The following GLDC variants were observed in gnomAD, a reference collection of about 807,000 sequenced individuals.
GLDC encodes the protein glycine dehydrogenase (decarboxylating), mitochondrial.
A neutral mutation model predicts 121.3 loss-of-function variants in GLDC; 104 were observed. That is an observed-to-expected ratio of 0.86 (90% confidence interval 0.73 to 1.01). The LOEUF is 1.01. Among genes scored for constraint, GLDC ranks in the 50% least tolerant of loss-of-function variants. The pLI is 0.00. For missense variants in GLDC, 1,429 were observed against 1,306.6 expected, an observed-to-expected ratio of 1.09 and a Z score of -1.44; for synonymous variants, 546 against 480.6, an observed-to-expected ratio of 1.14 and a Z score of -1.78.
chr9:6,559,946 A>G (rs1587927902), intron 16 of GLDC, among the ~76,000 whole-genome samples: 1 of 152,196 alleles, frequency 6.6e-6, no homozygotes, highest in Admixed American at 6.5e-5. Context: ...GGACAAGGGG[A>G]TGTAGCTTCA....
At chr9:6,612,935 C>G (rs1444682002) in intron 3 of GLDC, among the ~76,000 whole-genome samples, 1 of 152,112 alleles carries the variant, frequency 6.6e-6, no homozygotes, top group Non-Finnish European at 1.5e-5. Flanking sequence ...CCTCTGCACT[C>G]CCGCCTGGGT....
At chr9:6,558,031 C>G (rs950907762) in intron 17 of GLDC, 1 of 215,932 alleles carries the variant, frequency 4.6e-6, no homozygotes, top group Admixed American at 5.2e-5. Flanking sequence ...GTTTCCTTCC[C>G]GCTTAAGATG....
At chr9:6,548,777 T>C (rs1242813397) in intron 21 of GLDC, among the ~76,000 whole-genome samples, 1 of 152,220 alleles carries the variant, frequency 6.6e-6, no homozygotes, top group Non-Finnish European at 1.5e-5. Flanking sequence ...CAAGGACTTG[T>C]ACCTGGTTCT....
rs117520541 is a variant in GLDC at position 6,643,458 on chromosome 9, C to G, written c.334+1156G>C. On this transcript the variant is annotated intron_variant, in intron 2 of 24. Transcript: ENST00000321612. ...CTATCATAGCAACAAAATAAAACAGCTGCTCTCTCTTCATTTGACTCTAGA... is the reference window on the plus strand; with the variant it reads ...CTATCATAGCAACAAAATAAAACAGGTGCTCTCTCTTCATTTGACTCTAGA... Among the ~76,000 whole-genome samples, 705 of 150,504 alleles carry G rather than the reference C, an allele frequency of 4.7e-3. 4 individuals carry two copies. The highest frequency in any genetic ancestry group is 8.3e-3 in the Non-Finnish European group (560 of 67,790).
intron 2 of GLDC, 24 bp downstream of exon 2, chr9:6,644,590 A>C (rs1176688762): frequency 4.6e-6 from 7 of 1,532,788 alleles, no homozygotes; most frequent in Non-Finnish European, 6.3e-6. Context: ...ATCTAAGTCC[A>C]AGGGAGCCCT....
chr9:6,603,735 T>G (rs980490016), intron 7 of GLDC, among the ~76,000 whole-genome samples: 1 of 138,382 alleles, frequency 7.2e-6, no homozygotes, highest in Non-Finnish European at 1.5e-5. Context: ...TCCTTTTTTT[T>G]CTTTTTTTTT....
At chr9:6,544,067 C>G (rs1260753086) in intron 21 of GLDC, among the ~76,000 whole-genome samples, 1 of 152,190 alleles carries the variant, frequency 6.6e-6, no homozygotes, top group African/African-American at 2.4e-5. Context: ...ACTTATCCCC[C>G]ATCCTCAAGG....
chr9:6,622,524 A>G (rs915276841), intron 2 of GLDC, among the ~76,000 whole-genome samples: 60 of 152,130 alleles, frequency 3.9e-4, no homozygotes, highest in African/African-American at 6.5e-4. Flanking sequence ...GATTGCAGAC[A>G]GAGTCTCGTT....
At position 6,559,873 on chromosome 9, in the gene GLDC, T is replaced by A. The variant is rs1587927858; in HGVS notation, c.1927-1189A>T. 2.0e-5 allele frequency among the ~76,000 whole-genome samples: 3 copies of A among 151,874 alleles called. No homozygotes were observed. In the East Asian group the frequency reaches 5.8e-4, roughly 29 times the overall value. ...AACCCCTACCCCGGGTTCACACAAC[T>A]CACTCACTAACAATGGTGGCCTGTG... On this transcript the variant is annotated intron_variant, in intron 16 of 24. Coordinates refer to ENST00000321612, the MANE Select transcript of GLDC (RefSeq NM_000170.3).
chr9:6,645,203 G>C lies in GLDC; in HGVS notation c.255+42C>G, dbSNP rs770565491. On this transcript the variant is annotated intron_variant, in intron 1 of 24. Transcript: ENST00000321612. The stretch of plus-strand genomic sequence containing the variant: ...AGGCCGCGCAGGCAGAGCCCGGGCA[G>C]GGCGGAGGGGAGGCCGCGGAGGGCC... 7 of 1,538,584 alleles carry C rather than the reference G, an allele frequency of 4.5e-6. No homozygotes were observed. The East Asian group carries it at 1.7e-4, about 38-fold the overall frequency.
chr9:6,591,137 C>G (rs566509220), intron 11 of GLDC, among the ~76,000 whole-genome samples: 85 of 152,254 alleles, frequency 5.6e-4, no homozygotes, highest in African/African-American at 1.9e-3. Flanking sequence ...TCTTGCTTTC[C>G]CCCACTACTT....
At chr9:6,564,863 C>T (rs916238466) in intron 16 of GLDC, among the ~76,000 whole-genome samples, 5 of 152,198 alleles carry the variant, frequency 3.3e-5, no homozygotes, top group African/African-American at 1.2e-4. Flanking sequence ...TGCTTTATGC[C>T]TTTTTTGGTG....
chr9:6,604,612 G>C lies in GLDC; in HGVS notation c.1034C>G (p.Pro345Arg). The C allele has an allele frequency of 6.2e-7, 1 of 1,612,772 alleles. No individual in the cohort carries two copies. The highest frequency in any genetic ancestry group is 8.5e-7 in the Non-Finnish European group (1 of 1,179,886). ...AVRESLVRMM[P>R]GRMVGVTRDA... ...CCTTGTTACCCCCACCATTCTTCCA[G>C]GCATCATTCTCACCAAGCTTTCTCG... Residue 345 changes from proline (P) to arginine (R), a missense_variant, in exon 7 of 25, where the codon CCT (proline) becomes CGT (arginine). Coordinates refer to ENST00000321612, the MANE Select transcript of GLDC (RefSeq NM_000170.3).
At chr9:6,609,292 A>G (rs963761899) in intron 4 of GLDC, among the ~76,000 whole-genome samples, 24 of 152,222 alleles carry the variant, frequency 1.6e-4, no homozygotes, top group African/African-American at 5.5e-4. Flanking sequence ...AAGGATGCAC[A>G]TGAAGTACTA....
Position 6,605,195 on chromosome 9 carries a change from T to C in GLDC, c.797A>G (p.Tyr266Cys). 1.2e-6 allele frequency: 2 copies of C among 1,613,680 alleles called. No homozygotes were observed. Among genetic ancestry groups the C allele is most frequent in the Non-Finnish European group, 1.7e-6 (2 of 1,179,736 alleles). ...GKDVSGVLFQYPDTEGKVEDF... is the reference protein window; with the variant it reads ...GKDVSGVLFQCPDTEGKVEDF... The stretch of plus-strand genomic sequence containing the variant: ...TTCCACCTTCCCCTCCGTGTCTGGG[T>C]ACTGGAACAACACTCCACTGACATC... Residue 266 changes from tyrosine to cysteine, a missense_variant, in exon 6 of 25, where the codon TAC becomes TGC. By Grantham distance (194) the Tyr-to-Cys change is radical. Transcript: ENST00000321612.
intron 2 of GLDC, among the ~76,000 whole-genome samples, chr9:6,629,785 T>TAC (rs1302275927): frequency 6.6e-6 from 1 of 151,316 alleles, no homozygotes; most frequent in Admixed American, 6.6e-5. Context: ...TATATATATA[T>TAC]ACCCACAATA....
intron 2 of GLDC, among the ~76,000 whole-genome samples, chr9:6,634,527 T>TCAAACAAA (rs140567848): frequency 0.024 from 3,552 of 147,344 alleles, 137 homozygotes; most frequent in African/African-American, 0.086. Context: ...AGACCGTGTC[T>TCAAACAAA]CAAACAAACA....
chr9:6,599,720 C>CAAAAAAAAAAAAAAAA (rs549444099), intron 8 of GLDC, among the ~76,000 whole-genome samples: 2 of 120,770 alleles, frequency 1.7e-5, no homozygotes, highest in African/African-American at 6.7e-5. Context: ...GACTCCATCT[C>CAAAAAAAAAAAAAAAA]AAAAAAAAAA....
intron 15 of GLDC, among the ~76,000 whole-genome samples, chr9:6,586,786 T>G (rs1176487684): frequency 6.6e-6 from 1 of 152,152 alleles, no homozygotes; most frequent in African/African-American, 2.4e-5. Context: ...ACTTAGGAGG[T>G]TCGGCCATTA....
Sources: gnomAD v4.1 joint callset for allele counts (sites outside exome capture counted in the v4.1 genomes callset) on GRCh38, gnomAD v4.1.1 for gene constraint, MANE v1.5 for transcripts, NCBI Gene and HGNC (gene_info 2026-07-23, HGNC 2026-07-21) for gene names.